The following FRMD3 variants were observed in gnomAD, a reference collection of about 807,000 sequenced individuals.
The protein encoded by FRMD3 is FERM domain-containing protein 3.
In FRMD3, 33 loss-of-function variants were observed where a neutral mutation model predicts 70.2. That is an observed-to-expected ratio of 0.47 (90% CI 0.36 to 0.63). The LOEUF is 0.63. Ranked by LOEUF, FRMD3 falls within the 20% of genes least tolerant of loss-of-function variation. The probability of loss-of-function intolerance (pLI) is 0.00; values close to 1 mark genes in which losing one functional copy is unlikely to be tolerated. For missense variants in FRMD3, 632 were observed against 711.4 expected (o/e 0.89, Z 1.27); for synonymous variants, 279 against 255.9 (o/e 1.09, Z -0.86).
chr9:83,379,650 T>C (rs1825295829), intron 2 of FRMD3, among the ~76,000 whole-genome samples: 1 of 152,166 alleles, frequency 6.6e-6, no homozygotes, highest in African/African-American at 2.4e-5. Flanking sequence ...GGAAGGCATC[T>C]GCAGCAGATA....
the FRMD3 span, among the ~76,000 whole-genome samples, chr9:83,545,051 A>C: frequency 6.6e-6 from 1 of 152,174 alleles, no homozygotes; most frequent in Non-Finnish European, 1.5e-5. Flanking sequence ...ATTCCAAAAC[A>C]CCAGATAAAG....
At chr9:83,397,088 A>G (rs1343984864) in intron 1 of FRMD3, among the ~76,000 whole-genome samples, 2 of 152,188 alleles carry the variant, frequency 1.3e-5, no homozygotes, top group African/African-American at 4.8e-5. Context: ...GTGTTCTATC[A>G]GTCAGCATAG....
intron 1 of FRMD3, among the ~76,000 whole-genome samples, chr9:83,496,145 G>C (rs1158330863): frequency 6.6e-6 from 1 of 152,062 alleles, no homozygotes; most frequent in African/African-American, 2.4e-5. Context: ...ATTATTATAA[G>C]TGACACACAA....
chr9:83,496,909 T>C (rs1463137577), intron 1 of FRMD3, among the ~76,000 whole-genome samples: 1 of 152,130 alleles, frequency 6.6e-6, no homozygotes, highest in Admixed American at 6.5e-5. Flanking sequence ...AGGTCAGAAG[T>C]TCGAGACCAG....
At chr9:83,272,576 G>A (rs1312949417) in intron 13 of FRMD3, among the ~76,000 whole-genome samples, 1 of 152,026 alleles carries the variant, frequency 6.6e-6, no homozygotes, top group Non-Finnish European at 1.5e-5. Context: ...CATCGTCTGG[G>A]ATGTCAGGAG....
At chr9:83,281,662 G>A (rs1421285150) in intron 13 of FRMD3, 1 of 152,212 alleles carries the variant, frequency 6.6e-6, no homozygotes, top group Non-Finnish European at 1.5e-5. Flanking sequence ...CCTGGAATGA[G>A]TCATTCCTTA....
Position 83,299,165 on chromosome 9 carries a change from G to A in FRMD3, c.948C>T (p.Ile316=). ...ATATCTTGCTGCTTGATACAGTCTT[G>A]ATCTGACTGGATTTTGCATACCTTT... ...AFYKYAKSSQ[I]KTVSSSKIFF... The change falls in exon 11 of 14, where the codon ATC becomes ATT. Residue 316 remains isoleucine (I), a synonymous_variant. Transcript: ENST00000304195. The A allele has an allele frequency of 6.2e-7, 1 of 1,611,616 alleles. No individual in the cohort carries two copies. Among genetic ancestry groups the A allele is most frequent in the Non-Finnish European group, 8.5e-7 (1 of 1,178,946 alleles).
intron 6 of FRMD3, among the ~76,000 whole-genome samples, chr9:83,323,511 T>C (rs1041491117): frequency 6.6e-6 from 1 of 152,176 alleles, no homozygotes; most frequent in African/African-American, 2.4e-5. Context: ...TCGTGAGGGT[T>C]TTGCCTTCAT....
chr9:83,429,518 CCCACTCCCTTCTCTG>C (rs577264822), intron 1 of FRMD3, among the ~76,000 whole-genome samples: 2 of 152,174 alleles, frequency 1.3e-5, no homozygotes, highest in Non-Finnish European at 2.9e-5. Context: ...AGCTCTCTCT[CCCACTCCCTTCTCTG>C]CCCACCTTGT....
At chr9:83,297,431 C>T in intron 12 of FRMD3, 1 of 204,748 alleles carries the variant, frequency 4.9e-6, no homozygotes. Flanking sequence ...AAAGTCAGGA[C>T]CTTGGATAAA....
At chr9:83,579,677 C>T in the FRMD3 span, among the ~76,000 whole-genome samples, 1 of 152,016 alleles carries the variant, frequency 6.6e-6, no homozygotes, top group Non-Finnish European at 1.5e-5. Context: ...AACTGTAAAA[C>T]TACTAGACAA....
chr9:83,553,713 A>G, the FRMD3 span, among the ~76,000 whole-genome samples: 14 of 152,216 alleles, frequency 9.2e-5, no homozygotes, highest in Non-Finnish European at 1.8e-4. Flanking sequence ...CAGACCCATT[A>G]GGATCTCTTT....
rs538761192 is a variant in FRMD3 at position 83,272,749 on chromosome 9, G to A, written c.1195+17854C>T. On this transcript the variant is annotated intron_variant, in intron 13 of 13. Coordinates refer to ENST00000304195, the MANE Select transcript of FRMD3 (RefSeq NM_174938.6). ...TAGGAAGTGAGGAGCGTCTCTGCCC[G>A]GCCGCCCATCATCTGAGATGTGGGG... Among the ~76,000 whole-genome samples the A allele has an allele frequency of 7.0e-4, 105 of 150,604 alleles. 2 individuals carry two copies. In the South Asian group the frequency reaches 0.018, roughly 26 times the overall value.
intron 6 of FRMD3, among the ~76,000 whole-genome samples, chr9:83,319,477 A>G (rs1046004479): frequency 6.6e-6 from 1 of 152,174 alleles, no homozygotes; most frequent in Non-Finnish European, 1.5e-5. Flanking sequence ...GCTGAAATGC[A>G]GTGGCATGAT....
intron 11 of FRMD3, 32 bp downstream of exon 11, chr9:83,299,080 C>T (rs1240830883): frequency 6.8e-7 from 1 of 1,476,134 alleles, no homozygotes; most frequent in Non-Finnish European, 9.5e-7. Context: ...CCATCCCCAC[C>T]CCCTCACTGA....
intron 13 of FRMD3, among the ~76,000 whole-genome samples, chr9:83,273,340 C>T (rs113788787): frequency 0.19 from 28,194 of 147,088 alleles, 3,140 homozygotes; most frequent in African/African-American, 0.31. Flanking sequence ...CCCCCAACCC[C>T]GTGCTCTCTG....
chr9:83,394,502 TA>T (rs2131306479), intron 1 of FRMD3, among the ~76,000 whole-genome samples: 1 of 152,302 alleles, frequency 6.6e-6, no homozygotes, highest in South Asian at 2.1e-4. Flanking sequence ...ACCTGTGTAT[TA>T]AAGACAATGT....
At chr9:83,489,813 A>T (rs1420009138) in intron 1 of FRMD3, among the ~76,000 whole-genome samples, 1 of 152,226 alleles carries the variant, frequency 6.6e-6, no homozygotes. Flanking sequence ...TCATCAGAGT[A>T]GGTAATTCAC....
chr9:83,461,159 T>C (rs1289031541), intron 1 of FRMD3, among the ~76,000 whole-genome samples: 1 of 152,144 alleles, frequency 6.6e-6, no homozygotes, highest in African/African-American at 2.4e-5. Flanking sequence ...CCATGGATCA[T>C]ACACATAGGC....
Sources: gnomAD v4.1 joint callset for allele counts (sites outside exome capture counted in the v4.1 genomes callset) on GRCh38, gnomAD v4.1.1 for gene constraint, MANE v1.5 for transcripts, NCBI Gene and HGNC (gene_info 2026-07-23, HGNC 2026-07-21) for gene names.